Variants in RANBP9 observed in about 807,000 individuals in gnomAD.
The protein encoded by RANBP9 is RAN binding protein 9.
In RANBP9, 15 loss-of-function variants were observed where a neutral mutation model predicts 84.3. That is an observed-to-expected ratio of 0.18 (90% CI 0.12 to 0.27). RANBP9 has a LOEUF of 0.27. Among genes scored for constraint, RANBP9 ranks in the 10% least tolerant of loss-of-function variants. RANBP9 has a pLI of 1.00. For synonymous variants in RANBP9, 392 were observed against 349.6 expected, an observed-to-expected ratio of 1.12 and a Z score of -1.35; for missense variants, 809 against 912.8, an observed-to-expected ratio of 0.89 and a Z score of 1.46.
At chr6:13,682,426 A>T (rs1434409588) in intron 2 of RANBP9, among the ~76,000 whole-genome samples, 1 of 151,646 alleles carries the variant, frequency 6.6e-6, no homozygotes, top group South Asian at 2.1e-4. Context: ...CTGCAAAAAA[A>T]CATACAGTAT....
At chr6:13,684,610 A>G (rs1234573091) in intron 2 of RANBP9, among the ~76,000 whole-genome samples, 4 of 152,352 alleles carry the variant, frequency 2.6e-5, no homozygotes, top group African/African-American at 9.6e-5. Context: ...TAAATCTCAC[A>G]GTTCCTCAAT....
chr6:13,703,805 C>G (rs1758033677), intron 1 of RANBP9, among the ~76,000 whole-genome samples: 1 of 152,172 alleles, frequency 6.6e-6, no homozygotes, highest in Admixed American at 6.5e-5. Context: ...CCCCTTAACT[C>G]CAAAAGACCT....
intron 2 of RANBP9, among the ~76,000 whole-genome samples, chr6:13,692,262 G>A (rs971599251): frequency 1.3e-4 from 20 of 152,026 alleles, no homozygotes; most frequent in South Asian, 4.1e-4. Context: ...TTGGCCAGGC[G>A]CGGTGGCTCA....
chr6:13,702,208 C>T (rs538542597), intron 1 of RANBP9, among the ~76,000 whole-genome samples: 4 of 152,174 alleles, frequency 2.6e-5, no homozygotes, highest in Admixed American at 6.5e-5. Flanking sequence ...TTTGGGAGGC[C>T]AAGGTGGGTG....
In RANBP9 at chr6:13,642,484, C is replaced by A; in HGVS notation, c.1220G>T (p.Arg407Ile). The A allele has an allele frequency of 1.3e-6, 2 of 1,571,084 alleles. No homozygotes were observed. The highest frequency in any genetic ancestry group is 2.3e-5 in the South Asian group (2 of 86,880). ...ATGCACCACAGTGTCCTTACTTTGT[C>A]TATTCTTAATGGAAGCTAATTCTTC... is the stretch of plus-strand genomic sequence containing the variant. The part of the protein sequence containing the change: ...VLEELASIKN[R>I]QRIQKLVLAG... The change falls in exon 7 of 14, where the codon AGA becomes ATA. Residue 407 changes from arginine to isoleucine, a missense_variant. This residue lies in a region of RANBP9 where 216 missense variants were observed against 329.0 expected (regional missense o/e 0.66). Transcript: ENST00000011619.
At chr6:13,703,959 T>A (rs1210850288) in intron 1 of RANBP9, among the ~76,000 whole-genome samples, 1 of 152,206 alleles carries the variant, frequency 6.6e-6, no homozygotes, top group Non-Finnish European at 1.5e-5. Context: ...TTATTCATGG[T>A]TCACTGCAAG....
intron 2 of RANBP9, among the ~76,000 whole-genome samples, chr6:13,687,087 T>C (rs1766208421): frequency 6.6e-6 from 1 of 152,188 alleles, no homozygotes; most frequent in Non-Finnish European, 1.5e-5. Context: ...TCCTTCTATA[T>C]GTCCTTTAAA....
chr6:13,651,998 C>T (rs533676548), intron 5 of RANBP9, among the ~76,000 whole-genome samples: 1 of 152,260 alleles, frequency 6.6e-6, no homozygotes, highest in African/African-American at 2.4e-5. Context: ...CCTCCCTCTG[C>T]CTGAAAACTC....
intron 2 of RANBP9, among the ~76,000 whole-genome samples, chr6:13,690,121 A>C (rs896604549): frequency 2.0e-5 from 3 of 152,132 alleles, no homozygotes; most frequent in Admixed American, 2.0e-4. Flanking sequence ...GACTACACTA[A>C]ATTTGATCTT....
intron 2 of RANBP9, among the ~76,000 whole-genome samples, chr6:13,687,023 G>T (rs1380658410): frequency 6.6e-6 from 1 of 152,130 alleles, no homozygotes; most frequent in Non-Finnish European, 1.5e-5. Flanking sequence ...GTAACAAGAA[G>T]AAATTGTTTT....
At chr6:13,652,207 G>A (rs1252955201) in intron 5 of RANBP9, among the ~76,000 whole-genome samples, 1 of 152,026 alleles carries the variant, frequency 6.6e-6, no homozygotes, top group East Asian at 1.9e-4. Flanking sequence ...TTCATGTACT[G>A]CTCATTCTCT....
intron 13 of RANBP9, among the ~76,000 whole-genome samples, chr6:13,625,283 A>T (rs536604682): frequency 5.2e-4 from 79 of 152,266 alleles, no homozygotes; most frequent in African/African-American, 1.8e-3. Context: ...GCCTTTCACT[A>T]AAGAGGGCTG....
chr6:13,685,948 ATAAC>A (rs1766165699), intron 2 of RANBP9, among the ~76,000 whole-genome samples: 1 of 151,878 alleles, frequency 6.6e-6, no homozygotes, highest in African/African-American at 2.4e-5. Context: ...AAAAAAGAGT[ATAAC>A]TAAGCTTAAA....
chr6:13,670,823 T>G (rs925587372), intron 2 of RANBP9, among the ~76,000 whole-genome samples: 1 of 137,590 alleles, frequency 7.3e-6, no homozygotes, highest in South Asian at 2.3e-4. Context: ...AAAAAAAAAG[T>G]AGACAAACTA....
intron 2 of RANBP9, among the ~76,000 whole-genome samples, chr6:13,670,801 GAAAAAAAAA>G (rs796204005): frequency 2.7e-3 from 154 of 56,772 alleles, no homozygotes; most frequent in South Asian, 8.5e-3. Flanking sequence ...TTCCATCTTA[GAAAAAAAAA>G]AAAAAAAAAA....
intron 12 of RANBP9, among the ~76,000 whole-genome samples, chr6:13,627,611 C>G (rs1160724388): frequency 8.5e-6 from 1 of 117,622 alleles, no homozygotes; most frequent in Non-Finnish European, 1.6e-5. Context: ...GCATGGACGA[C>G]AGAGAGAGAC....
intron 9 of RANBP9, among the ~76,000 whole-genome samples, chr6:13,638,459 A>C (rs1174338461): frequency 2.0e-5 from 3 of 152,158 alleles, no homozygotes; most frequent in Middle Eastern, 3.2e-3. Flanking sequence ...TTGTTTAAGA[A>C]TGTTAAATGT....
intron 1 of RANBP9, among the ~76,000 whole-genome samples, chr6:13,702,986 C>G (rs998391161): frequency 3.3e-5 from 5 of 152,178 alleles, no homozygotes; most frequent in Non-Finnish European, 5.9e-5. Context: ...GCAACAGACA[C>G]TAAATATCAC....
intron 4 of RANBP9, 40 bp from the exon 5 acceptor site, chr6:13,652,721 C>A: frequency 1.3e-6 from 2 of 1,536,510 alleles, no homozygotes; most frequent in Non-Finnish European, 1.8e-6. Flanking sequence ...AGCTGTTTTT[C>A]AAAGCAGACT....
Sources: allele counts gnomAD v4.1 joint callset (sites outside exome capture counted in the v4.1 genomes callset), GRCh38; gene constraint gnomAD v4.1.1; regional missense constraint gnomAD v4.1.1; transcripts MANE v1.5; gene names NCBI Gene and HGNC (gene_info 2026-07-23, HGNC 2026-07-21).